Variants in GRM8 observed in about 807,000 individuals in gnomAD.
The protein encoded by GRM8 is glutamate metabotropic receptor 8, also known as metabotropic glutamate receptor 8.
A neutral mutation model predicts 87.2 loss-of-function variants in GRM8; 47 were observed. The observed-to-expected ratio is 0.54, with a 90% CI of 0.43 to 0.69. The LOEUF (loss-of-function observed/expected upper bound fraction) is 0.69, where lower values mean the gene tolerates loss of function less well. Among genes scored for constraint, GRM8 ranks in the 30% least tolerant of loss-of-function variants. The pLI, the probability that GRM8 is intolerant of heterozygous loss-of-function variation, is 0.00. For missense variants in GRM8, 1,019 were observed against 1,139.2 expected, an observed-to-expected ratio of 0.89 and a Z score of 1.52; for synonymous variants, 396 against 404.5, an observed-to-expected ratio of 0.98 and a Z score of 0.25.
chr7:127,214,747 G>A (rs1246708327), intron 2 of GRM8, among the ~76,000 whole-genome samples: 2 of 152,186 alleles, frequency 1.3e-5, no homozygotes, highest in African/African-American at 2.4e-5. Context: ...GACAGGTGGG[G>A]AATTACAATT....
At chr7:127,134,435 A>C (rs991984756) in intron 2 of GRM8, among the ~76,000 whole-genome samples, 2 of 152,208 alleles carry the variant, frequency 1.3e-5, no homozygotes, top group African/African-American at 4.8e-5. Context: ...AATCACTGTT[A>C]CATGAATTCC....
intron 6 of GRM8, among the ~76,000 whole-genome samples, chr7:126,773,878 A>G (rs1408392871): frequency 6.6e-6 from 1 of 152,138 alleles, no homozygotes; most frequent in Non-Finnish European, 1.5e-5. Context: ...ATAGGTCTAA[A>G]TGAACAATCA....
rs532559418 is a variant in GRM8, at chr7:126,617,134, A to C, written c.1358-7636T>G. 1.7e-4 allele frequency among the ~76,000 whole-genome samples: 26 copies of C among 152,358 alleles called. No individual in the cohort carries two copies. In the South Asian group the frequency reaches 5.2e-3, roughly 30 times the overall value. Reference sequence around the variant, plus strand: ...TCGCTGTGAAAATTCTCAATAAAATACTGGCAAACCAAATCCAGAAGCACA... The same window carrying C: ...TCGCTGTGAAAATTCTCAATAAAATCCTGGCAAACCAAATCCAGAAGCACA... On this transcript the variant is annotated intron_variant, in intron 7 of 10. Coordinates refer to ENST00000339582, the MANE Select transcript of GRM8 (RefSeq NM_000845.3).
chr7:126,454,336 T>C (rs1802983386), intron 9 of GRM8, among the ~76,000 whole-genome samples: 1 of 151,750 alleles, frequency 6.6e-6, no homozygotes, highest in Non-Finnish European at 1.5e-5. Context: ...TTGTGTTATC[T>C]AAGGAAAGTT....
intron 6 of GRM8, among the ~76,000 whole-genome samples, chr7:126,876,151 G>A (rs905731408): frequency 2.5e-4 from 38 of 152,228 alleles, no homozygotes; most frequent in South Asian, 1.2e-3. Context: ...TTTTGCAACA[G>A]CTGCCAAGCC....
At chr7:126,618,454 G>A (rs1362538224) in intron 7 of GRM8, among the ~76,000 whole-genome samples, 3 of 152,270 alleles carry the variant, frequency 2.0e-5, no homozygotes, top group Admixed American at 6.5e-5. Flanking sequence ...TACCATTCAC[G>A]ACATAGGCAT....
chr7:126,936,421 G>A (rs1806327380), intron 3 of GRM8, among the ~76,000 whole-genome samples: 1 of 151,980 alleles, frequency 6.6e-6, no homozygotes. Flanking sequence ...CCCGTCAATA[G>A]GATTGTGTTA....
chr7:126,765,730 A>G (rs1818127890), intron 7 of GRM8, among the ~76,000 whole-genome samples: 1 of 152,130 alleles, frequency 6.6e-6, no homozygotes, highest in Admixed American at 6.6e-5. Flanking sequence ...CATTTTGTTC[A>G]GATAGCAGCA....
intron 6 of GRM8, among the ~76,000 whole-genome samples, chr7:126,877,011 C>T (rs557782938): frequency 6.6e-6 from 1 of 151,614 alleles, no homozygotes; most frequent in East Asian, 1.9e-4. Flanking sequence ...ATATTCTTTT[C>T]ACCTCTACTA....
intron 2 of GRM8, among the ~76,000 whole-genome samples, chr7:127,117,824 C>G (rs574701460): frequency 6.6e-6 from 1 of 152,304 alleles, no homozygotes; most frequent in South Asian, 2.1e-4. Context: ...CCAAGCATGT[C>G]AGCACTAGAA....
chr7:127,146,873 A>C (rs1410245521), intron 2 of GRM8, among the ~76,000 whole-genome samples: 2 of 152,050 alleles, frequency 1.3e-5, no homozygotes, highest in Non-Finnish European at 2.9e-5. Context: ...TCCATGACCT[A>C]AAAGATGACC....
intron 8 of GRM8, among the ~76,000 whole-genome samples, chr7:126,554,911 A>G (rs1792973150): frequency 6.6e-6 from 1 of 152,174 alleles, no homozygotes; most frequent in Non-Finnish European, 1.5e-5. Context: ...TTGGCAAATA[A>G]TAGGATAAAT....
In GRM8 at chr7:127,083,115, A is replaced by G. The variant is rs191571825; in HGVS notation, c.727+23381T>C. Among the ~76,000 whole-genome samples, 452 of 152,362 alleles carry G rather than the reference A, an allele frequency of 3.0e-3. 1 individual carries two copies. Among genetic ancestry groups the G allele is most frequent in the African/African-American group, 0.01 (422 of 41,580 alleles). ...TGCAACTTGGCCCAGATAAGTTGAC[A>G]CATAAAATCAACCATCACACTTGTG... On this transcript the variant is annotated intron_variant, in intron 3 of 10. Transcript: ENST00000339582.
At chr7:126,653,048 T>C (rs1470117087) in intron 7 of GRM8, among the ~76,000 whole-genome samples, 1 of 151,980 alleles carries the variant, frequency 6.6e-6, no homozygotes, top group Admixed American at 6.6e-5. Flanking sequence ...AGCTATGCAC[T>C]TTAGGGAAAA....
chr7:127,131,777 G>A (rs1282268942), intron 2 of GRM8, among the ~76,000 whole-genome samples: 1 of 151,780 alleles, frequency 6.6e-6, no homozygotes, highest in African/African-American at 2.4e-5. Context: ...TGGGAGACTT[G>A]CTGCATGTCT....
Position 126,904,636 on chromosome 7 carries a change from G to A in GRM8, c.775C>T (p.Pro259Ser), listed in dbSNP as rs534491598. 7 of 1,613,484 alleles carry A rather than the reference G, an allele frequency of 4.3e-6. No homozygotes were observed. Among genetic ancestry groups the A allele is most frequent in the Admixed American group, 1.7e-5 (1 of 59,988 alleles). Residue 259 changes from proline (P) to serine (S), a missense_variant, in exon 4 of 11, where the codon CCT becomes TCT. Coordinates refer to ENST00000339582, the MANE Select transcript of GRM8 (RefSeq NM_000845.3). ...QSQKIPREPRPGEFEKIIKRL... is the reference protein window; with the variant it reads ...QSQKIPREPRSGEFEKIIKRL... ...TTGATAATTTTTTCAAATTCTCCAGGTCTTGGTTCACGTGGGATTTTCTGT... is the reference window on the plus strand; with the variant it reads ...TTGATAATTTTTTCAAATTCTCCAGATCTTGGTTCACGTGGGATTTTCTGT...
intron 7 of GRM8, among the ~76,000 whole-genome samples, chr7:126,647,756 C>T (rs1803323507): frequency 6.6e-6 from 1 of 152,154 alleles, no homozygotes; most frequent in African/African-American, 2.4e-5. Flanking sequence ...TCATTTCTCT[C>T]TGCATTTGTT....
At chr7:126,659,768 C>T (rs527787990) in intron 7 of GRM8, among the ~76,000 whole-genome samples, 1 of 152,256 alleles carries the variant, frequency 6.6e-6, no homozygotes, top group African/African-American at 2.4e-5. Context: ...TGTATTTCCA[C>T]TATTTCAAAT....
chr7:127,230,735 T>C (rs972376867), intron 2 of GRM8, among the ~76,000 whole-genome samples: 2 of 152,070 alleles, frequency 1.3e-5, no homozygotes, highest in African/African-American at 4.8e-5. Context: ...GGAGACAGCA[T>C]CTATAAACCA....
Sources: allele counts gnomAD v4.1 joint callset (sites outside exome capture counted in the v4.1 genomes callset), GRCh38; gene constraint gnomAD v4.1.1; transcripts MANE v1.5; gene names NCBI Gene and HGNC (gene_info 2026-07-23, HGNC 2026-07-21).